The following TYW3 variants were observed in gnomAD, a reference collection of about 807,000 sequenced individuals.
TYW3 encodes tRNA wybutosine-synthesizing protein 3 homolog.
A neutral mutation model predicts 23.1 loss-of-function variants in TYW3; 26 were observed. The ratio of observed to expected loss-of-function variants is 1.13; its 90% CI spans 0.83 to 1.56. The LOEUF is 1.56. Ranked by LOEUF, TYW3 falls within the 40% of genes most tolerant of loss-of-function variation. The pLI, the probability that TYW3 is intolerant of heterozygous loss-of-function variation, is 0.00. For missense variants in TYW3, 316 were observed against 311.9 expected (o/e 1.01, Z -0.10); for synonymous variants, 102 against 105.7 (o/e 0.97, Z 0.21).
At chr1:74,756,071 GA>G (rs1402063871) in intron 5 of TYW3, among the ~76,000 whole-genome samples, 2 of 152,180 alleles carry the variant, frequency 1.3e-5, no homozygotes, top group African/African-American at 4.8e-5. Context: ...CTTCCACCAT[GA>G]TTGTGAGGCC....
intron 3 of TYW3, among the ~76,000 whole-genome samples, chr1:74,743,378 C>T (rs1648432673): frequency 6.6e-6 from 1 of 152,048 alleles, no homozygotes; most frequent in Non-Finnish European, 1.5e-5. Flanking sequence ...TTTAATAATG[C>T]CTCCAGATTT....
intron 5 of TYW3, among the ~76,000 whole-genome samples, chr1:74,754,628 A>G (rs1382968243): frequency 2.0e-5 from 3 of 152,206 alleles, no homozygotes; most frequent in East Asian, 3.8e-4. Flanking sequence ...GAGAATTTCA[A>G]AAACAAAAAA....
In TYW3 at chr1:74,748,831, T is replaced by C. The variant is rs1478063307; in HGVS notation, c.426+9T>C. Reference sequence around the variant, plus strand: ...GAGGAAAAACTATGTTGGTAAGATATTTTGTCAAAGAGTAATTTTTTTAGT... The same window carrying C: ...GAGGAAAAACTATGTTGGTAAGATACTTTGTCAAAGAGTAATTTTTTTAGT... On this transcript the variant is annotated intron_variant, in intron 4 of 5. Coordinates refer to ENST00000370867, the MANE Select transcript of TYW3 (RefSeq NM_138467.3). 8 of 1,613,456 alleles carry C rather than the reference T, an allele frequency of 5.0e-6. No individual in the cohort carries two copies. The highest frequency in any genetic ancestry group is 1.7e-4 in the Middle Eastern group (1 of 6,056).
chr1:74,734,512 A>G (rs1489529050), intron 1 of TYW3, among the ~76,000 whole-genome samples: 1 of 152,224 alleles, frequency 6.6e-6, no homozygotes, highest in Non-Finnish European at 1.5e-5. Context: ...TTAAGGAAAG[A>G]AAAAACAGCA....
At chr1:74,742,338 T>C (rs1452163387) in intron 3 of TYW3, among the ~76,000 whole-genome samples, 2 of 152,196 alleles carry the variant, frequency 1.3e-5, no homozygotes, top group African/African-American at 2.4e-5. Flanking sequence ...TCAATACCCA[T>C]GTGAACAGTT....
chr1:74,737,258 C>CATCTTT (rs78589532), intron 2 of TYW3, among the ~76,000 whole-genome samples: 6,830 of 152,302 alleles, frequency 0.045, 177 homozygotes, highest in Non-Finnish European at 0.058. Flanking sequence ...ACTTCATCTT[C>CATCTTT]ATCTTTAGGC....
intron 3 of TYW3, among the ~76,000 whole-genome samples, chr1:74,747,012 G>C (rs574025242): frequency 6.6e-6 from 1 of 152,346 alleles, no homozygotes; most frequent in Non-Finnish European, 1.5e-5. Context: ...CTCAAGGTTA[G>C]AGAAAATAGC....
rs751843816 is a variant in TYW3, at chr1:74,733,379, C to A, written c.135C>A (p.Thr45=). The change falls in exon 1 of 6, where the codon ACC becomes ACA. Residue 45 remains threonine (T), a synonymous_variant. Coordinates refer to ENST00000370867, the MANE Select transcript of TYW3 (RefSeq NM_138467.3). ...QFLNMRDQFF[T]TSSCAGRILL... ...TGAACATGCGAGATCAGTTTTTCAC[C>A]ACCAGCTCCTGCGCTGGCCGCATCC... The A allele has an allele frequency of 1.9e-6, 3 of 1,614,188 alleles. No homozygotes were observed. The highest frequency in any genetic ancestry group is 2.5e-6 in the Non-Finnish European group (3 of 1,180,028).
chr1:74,747,632 G>A (rs28515016), intron 3 of TYW3, among the ~76,000 whole-genome samples: 28,374 of 140,042 alleles, frequency 0.2, 3,988 homozygotes, highest in East Asian at 0.71. Flanking sequence ...GCGAGACTCC[G>A]TCTCAAAAAA....
chr1:74,736,815 C>T (rs1265621347), intron 2 of TYW3, among the ~76,000 whole-genome samples, 193 bp downstream of exon 2: 1 of 152,138 alleles, frequency 6.6e-6, no homozygotes, highest in Non-Finnish European at 1.5e-5. Context: ...GCATTACTTA[C>T]TGCTACTCAA....
chr1:74,740,744 G>A (rs549471317), intron 3 of TYW3, among the ~76,000 whole-genome samples: 2 of 152,336 alleles, frequency 1.3e-5, no homozygotes, highest in South Asian at 4.1e-4. Flanking sequence ...GCGCTGATTG[G>A]TGCATTTTTA....
chr1:74,757,481 TC>T (rs1407239939), intron 5 of TYW3, among the ~76,000 whole-genome samples: 1 of 152,228 alleles, frequency 6.6e-6, no homozygotes, highest in Non-Finnish European at 1.5e-5. Context: ...ATTTTAGACT[TC>T]CATGGGGCCT....
intron 1 of TYW3, among the ~76,000 whole-genome samples, chr1:74,735,852 G>A (rs933932800): frequency 6.6e-6 from 1 of 152,228 alleles, no homozygotes; most frequent in Non-Finnish European, 1.5e-5. Context: ...GTTACTTTGA[G>A]TATAGTGATT....
At chr1:74,752,554 A>G in intron 5 of TYW3, 129 bp downstream of exon 5, 1 of 804,570 alleles carries the variant, frequency 1.2e-6, no homozygotes, top group South Asian at 2.8e-5. Context: ...AAATACTTTT[A>G]TTATCATTAA....
intron 3 of TYW3, among the ~76,000 whole-genome samples, chr1:74,744,632 G>A (rs1370956696): frequency 2.0e-5 from 3 of 152,098 alleles, no homozygotes; most frequent in African/African-American, 7.2e-5. Flanking sequence ...CATCTGGGTC[G>A]CCAAATGTGT....
At chr1:74,757,962 C>T (rs913916033) in intron 5 of TYW3, among the ~76,000 whole-genome samples, 1 of 152,184 alleles carries the variant, frequency 6.6e-6, no homozygotes, top group Non-Finnish European at 1.5e-5. Flanking sequence ...CATTAAATCT[C>T]TTTCTTTTGT....
chr1:74,748,930 C>T, intron 4 of TYW3, 108 bp downstream of exon 4: 1 of 1,015,138 alleles, frequency 9.9e-7, no homozygotes, highest in Non-Finnish European at 1.5e-6. Flanking sequence ...ATCTTCTTGC[C>T]ATTCTCTTAC....
At chr1:74,741,336 C>T (rs1648354582) in intron 3 of TYW3, among the ~76,000 whole-genome samples, 1 of 152,136 alleles carries the variant, frequency 6.6e-6, no homozygotes, top group African/African-American at 2.4e-5. Flanking sequence ...TGCAAGTCCT[C>T]CAATGGTTCG....
At chr1:74,736,776 T>C (rs1648169824) in intron 2 of TYW3, among the ~76,000 whole-genome samples, 154 bp downstream of exon 2, 1 of 152,224 alleles carries the variant, frequency 6.6e-6, no homozygotes, top group Non-Finnish European at 1.5e-5. Flanking sequence ...ATGGCTCTTT[T>C]TGGGTTGTAG....
Sources: allele counts gnomAD v4.1 joint callset (sites outside exome capture counted in the v4.1 genomes callset), GRCh38; gene constraint gnomAD v4.1.1; transcripts MANE v1.5; gene names NCBI Gene and HGNC (gene_info 2026-07-23, HGNC 2026-07-21).